The following KIR2DL4 variants were observed in gnomAD, a reference collection of about 807,000 sequenced individuals.
The protein encoded by KIR2DL4 is killer cell immunoglobulin like receptor, two Ig domains and long cytoplasmic tail 4.
Under a neutral mutation model 31.0 loss-of-function variants are expected in KIR2DL4, and 41 were observed. The ratio of observed to expected loss-of-function variants is 1.32; its 90% CI spans 1.03 to 1.72. The LOEUF (loss-of-function observed/expected upper bound fraction) is 1.72. KIR2DL4 is among the 40% of genes most tolerant of loss of function. KIR2DL4 has a pLI of 0.00. For missense variants in KIR2DL4, 438 were observed against 353.7 expected (o/e 1.24, Z -1.91); for synonymous variants, 164 against 133.6 (o/e 1.23, Z -1.57).
chr19:54,806,799 G>A (rs1397842650), intron 4 of KIR2DL4, among the ~76,000 whole-genome samples: 2 of 150,036 alleles, frequency 1.3e-5, no homozygotes, highest in African/African-American at 5.0e-5. Context: ...TTTAAAATCA[G>A]GGGCTGGAGA....
exon 8 of KIR2DL4, chr19:54,814,400 T>G: frequency 2.3e-6 from 1 of 438,648 alleles, no homozygotes; most frequent in Non-Finnish European, 4.1e-6. Flanking sequence ...CCACCTTCCC[T>G]CGTGCTGTTC....
intron 3 of KIR2DL4, among the ~76,000 whole-genome samples, chr19:54,805,539 G>C (rs1216590470): frequency 6.6e-6 from 1 of 151,448 alleles, no homozygotes; most frequent in Non-Finnish European, 1.5e-5. Flanking sequence ...ATTCTCCCGA[G>C]TCTCCAGAGG....
chr19:54,811,631 T>C (rs1221943811), intron 5 of KIR2DL4, among the ~76,000 whole-genome samples: 1 of 151,342 alleles, frequency 6.6e-6, no homozygotes, highest in African/African-American at 2.4e-5. Context: ...ACGTGATCTG[T>C]TCATGGCACA....
chr19:54,807,082 G>T (rs1345754788), intron 4 of KIR2DL4, among the ~76,000 whole-genome samples: 1 of 149,938 alleles, frequency 6.7e-6, no homozygotes, highest in Non-Finnish European at 1.5e-5. Flanking sequence ...CTAACCTCTG[G>T]TATCCACCAT....
chr19:54,805,117 C>T, intron 3 of KIR2DL4, 40 bp downstream of exon 3: 2 of 1,545,762 alleles, frequency 1.3e-6, no homozygotes, highest in Admixed American at 1.8e-5. Context: ...TGTCCCACCT[C>T]CTGAGTCCCA....
chr19:54,810,849 G>A (rs2060825358), intron 5 of KIR2DL4, among the ~76,000 whole-genome samples: 1 of 151,358 alleles, frequency 6.6e-6, no homozygotes, highest in Non-Finnish European at 1.5e-5. Context: ...AGGAGACTGT[G>A]GAAAAGGCAA....
chr19:54,805,315 G>C (rs943981524), intron 3 of KIR2DL4, among the ~76,000 whole-genome samples: 1 of 151,458 alleles, frequency 6.6e-6, no homozygotes, highest in East Asian at 1.9e-4. Context: ...GGGGAAGATG[G>C]AGCTCAGGTT....
exon 8 of KIR2DL4, chr19:54,813,948 C>T (rs778376629): frequency 1.2e-6 from 2 of 1,612,476 alleles, no homozygotes; most frequent in Non-Finnish European, 1.7e-6. Flanking sequence ...AAGAGACCCT[C>T]AACAGATACC....
chr19:54,808,951 G>T, intron 5 of KIR2DL4, 68 bp downstream of exon 5: 4 of 1,263,638 alleles, frequency 3.2e-6, no homozygotes, highest in Non-Finnish European at 4.6e-6. Context: ...GGATTCAAGC[G>T]TTGGCTCAGC....
chr19:54,810,177 G>A lies in KIR2DL4; in HGVS notation c.706+1294G>A, dbSNP rs2060774760. ...TCTGTGCCCCAGGCTGGAGTGCAGT[G>A]GCGGGATCTCGGCTCACCGCAACCT... On this transcript the variant is annotated intron_variant, in intron 5 of 7. Transcript: ENST00000359085. Among the ~76,000 whole-genome samples, 2 of 150,192 alleles carry A rather than the reference G, an allele frequency of 1.3e-5. 1 individual carries two copies. The highest frequency in any genetic ancestry group is 4.3e-4 in the South Asian group (2 of 4,688).
At chr19:54,805,059 C>T in exon 3 of KIR2DL4, 2 of 1,606,946 alleles carry the variant, frequency 1.2e-6, no homozygotes, top group East Asian at 2.2e-5. Context: ...CAGCAACCCC[C>T]TGGTGATCAT....
intron 3 of KIR2DL4, among the ~76,000 whole-genome samples, chr19:54,805,331 T>C (rs1348760450): frequency 6.6e-6 from 1 of 151,284 alleles, no homozygotes; most frequent in Non-Finnish European, 1.5e-5. Flanking sequence ...AGGTTGTTGA[T>C]GAGTTGACCT....
In KIR2DL4 at chr19:54,808,744, A is replaced by T. The variant is rs370190236; in HGVS notation, c.656-89A>T. ...CCAGGGCCCAACATTAGATAATAGAATGTTGGCCATGAACCAACCTCAAAG... is the reference window on the plus strand; with the variant it reads ...CCAGGGCCCAACATTAGATAATAGATTGTTGGCCATGAACCAACCTCAAAG... On this transcript the variant is annotated intron_variant, in intron 4 of 7. Coordinates refer to ENST00000359085, the Ensembl canonical transcript of KIR2DL4. 1.1e-5 allele frequency: 11 copies of T among 957,330 alleles called. 1 individual carries two copies. In the South Asian group the frequency reaches 1.4e-4, roughly 12 times the overall value. The allele number at this position is 957,330 out of a possible 1,614,324, so 59.3% of individuals were successfully genotyped here.
intron 5 of KIR2DL4, among the ~76,000 whole-genome samples, chr19:54,809,876 C>A (rs1431763113): frequency 6.6e-6 from 1 of 150,810 alleles, no homozygotes; most frequent in Non-Finnish European, 1.5e-5. Flanking sequence ...ATTCCATCTG[C>A]AATCTGCATT....
At chr19:54,803,724 A>ACACTATG in intron 1 of KIR2DL4, 33 bp downstream of exon 1, 1 of 1,605,618 alleles carries the variant, frequency 6.2e-7, no homozygotes, top group South Asian at 1.1e-5. Context: ...CACCAGGGTT[A>ACACTATG]CACTATGGGC....
At chr19:54,804,679 AC>A in intron 2 of KIR2DL4, 113 bp from the exon 3 acceptor site, 1 of 1,141,892 alleles carries the variant, frequency 8.8e-7, no homozygotes, top group Non-Finnish European at 1.3e-6. Flanking sequence ...AGCCCCAGGC[AC>A]CCAGGTGTGG....
intron 4 of KIR2DL4, among the ~76,000 whole-genome samples, chr19:54,807,031 A>G (rs1487318201): frequency 6.7e-6 from 1 of 148,272 alleles, no homozygotes; most frequent in Non-Finnish European, 1.5e-5. Flanking sequence ...ATAAATAAAT[A>G]CTTTTATATT....
intron 6 of KIR2DL4, 21 bp from the exon 6 acceptor site, chr19:54,813,669 G>C (rs2061015930): frequency 4.3e-6 from 7 of 1,610,730 alleles, no homozygotes; most frequent in South Asian, 1.1e-5. Context: ...CAGCTGTTTT[G>C]ATTGCTTCCG....
exon 3 of KIR2DL4, chr19:54,804,865 G>C (rs377230503): frequency 6.2e-7 from 1 of 1,611,932 alleles, no homozygotes; most frequent in South Asian, 1.1e-5. Context: ...GTGACTCTTC[G>C]GTGTCACTAT....
Sources: gnomAD v4.1 joint callset for allele counts (sites outside exome capture counted in the v4.1 genomes callset) on GRCh38, gnomAD v4.1.1 for gene constraint, MANE v1.5 for transcripts, NCBI Gene and HGNC (gene_info 2026-07-23, HGNC 2026-07-21) for gene names.